AP3D1: variants seen among roughly 807,000 people sequenced by gnomAD.
AP3D1 encodes adaptor related protein complex 3 subunit delta 1.
Under a neutral mutation model 147.6 loss-of-function variants are expected in AP3D1, and 51 were observed. The ratio of observed to expected loss-of-function variants is 0.35; its 90% CI spans 0.28 to 0.44. The LOEUF (loss-of-function observed/expected upper bound fraction) is 0.44. Among genes scored for constraint, AP3D1 ranks in the 20% least tolerant of loss-of-function variants. AP3D1 has a pLI of 1.00. For missense variants in AP3D1, 1,421 were observed against 1,624.2 expected, an observed-to-expected ratio of 0.87 and a Z score of 2.15; for synonymous variants, 760 against 663.0, an observed-to-expected ratio of 1.15 and a Z score of -2.25.
chr19:2,133,620 C>CA (rs2019005324), intron 4 of AP3D1: 1 of 152,168 alleles, frequency 6.6e-6, no homozygotes, highest in African/African-American at 2.4e-5. Flanking sequence ...TTCTCTGCCT[C>CA]AGCCTCCCAA....
chr19:2,153,383 G>T (rs1197281132), upstream of AP3D1, among the ~76,000 whole-genome samples: 3 of 133,170 alleles, frequency 2.3e-5, no homozygotes, highest in Non-Finnish European at 5.0e-5. Context: ...CAAAAAAGAA[G>T]TGGGGGGGGG....
At chr19:2,127,012 G>T (rs1347730125) in intron 9 of AP3D1, 140 bp downstream of exon 9, 1 of 872,278 alleles carries the variant, frequency 1.1e-6, no homozygotes, top group East Asian at 2.6e-5. Context: ...GCCAGCCCCA[G>T]GCCCCACCAG....
chr19:2,130,904 C>T (rs371519220), intron 5 of AP3D1, among the ~76,000 whole-genome samples: 3 of 152,360 alleles, frequency 2.0e-5, no homozygotes, highest in East Asian at 1.9e-4. Flanking sequence ...AATTCCCCAG[C>T]GGGAGCCCTC....
chr19:2,142,438 C>T (rs1295767343), intron 1 of AP3D1, among the ~76,000 whole-genome samples: 1 of 152,234 alleles, frequency 6.6e-6, no homozygotes, highest in Non-Finnish European at 1.5e-5. Context: ...GTGTGAGCCA[C>T]CGCACCTGGC....
intron 24 of AP3D1, 111 bp downstream of exon 24, chr19:2,112,749 C>T: frequency 1.1e-5 from 8 of 757,608 alleles, no homozygotes; most frequent in South Asian, 5.8e-5. Flanking sequence ...AACACAAATG[C>T]GAGAGCAGGG....
At chr19:2,110,976 A>C in intron 26 of AP3D1, 80 bp from the exon 27 acceptor site, 1 of 1,460,250 alleles carries the variant, frequency 6.8e-7, no homozygotes, top group Non-Finnish European at 9.3e-7. Flanking sequence ...CTTAATGACC[A>C]CAGAGGCAGC....
At position 2,102,067 on chromosome 19, in the gene AP3D1, C is replaced by T; in HGVS notation, c.*106G>A. The T allele has an allele frequency of 1.2e-6, 1 of 822,026 alleles. No individual in the cohort carries two copies. The allele number at this position is 822,026 out of a possible 1,614,324, so 50.9% of individuals were successfully genotyped here. A position where few individuals can be genotyped will look rare whatever the true frequency, so the allele number is the denominator to read the frequency against. On this transcript the variant is annotated 3_prime_UTR_variant, in exon 32 of 32. Transcript: ENST00000643116. ...CGGACAACATAGAGTTAAATTAACA[C>T]TCAGGCTTGGGTACAGTACACACGA...
intron 14 of AP3D1, among the ~76,000 whole-genome samples, chr19:2,120,166 T>G (rs1483353487): frequency 6.6e-6 from 1 of 152,054 alleles, no homozygotes; most frequent in Admixed American, 6.5e-5. Flanking sequence ...GCAAATCTCA[T>G]AAATTTCCAA....
upstream of AP3D1, among the ~76,000 whole-genome samples, chr19:2,153,524 A>T (rs1290953910): frequency 6.6e-6 from 1 of 151,810 alleles, no homozygotes; most frequent in Non-Finnish European, 1.5e-5. Context: ...AAAAATACAA[A>T]AATTAGTCAG....
chr19:2,118,753 C>T lies in AP3D1; in HGVS notation c.1561G>A (p.Val521Met), dbSNP rs762813236. ...VTTLPGHIQA[V>M]YVQNVVKLYA... Reference sequence around the variant, plus strand: ...AGCTTGACCACGTTCTGCACATACACGGCCTGGATGTGGCCTGGCAGCGTG... The same window carrying T: ...AGCTTGACCACGTTCTGCACATACATGGCCTGGATGTGGCCTGGCAGCGTG... Residue 521 changes from valine (V) to methionine (M), a missense_variant, in exon 15 of 32, where the codon GTG (valine) becomes ATG (methionine). Physicochemically the swap from Val to Met is conservative, Grantham distance 21. Coordinates refer to ENST00000643116, the MANE Select transcript of AP3D1 (RefSeq NM_001261826.3). 3.1e-6 allele frequency: 5 copies of T among 1,613,704 alleles called. No homozygotes were observed. Among genetic ancestry groups the T allele is most frequent in the Non-Finnish European group, 3.4e-6 (4 of 1,180,020 alleles).
rs1568297603 is a variant in AP3D1 at position 2,131,513 on chromosome 19, G to GCTTCCCAGGGAGGAAAGCAT, written c.462+957_462+958insATGCTTTCCTCCCTGGGAAG. 2.1e-3 allele frequency among the ~76,000 whole-genome samples: 151 copies of GCTTCCCAGGGAGGAAAGCAT among 72,518 alleles called. 7 individuals are homozygous for GCTTCCCAGGGAGGAAAGCAT. Among genetic ancestry groups the GCTTCCCAGGGAGGAAAGCAT allele is most frequent in the African/African-American group, 8.1e-3 (146 of 18,118 alleles). The allele number at this position is 72,518 out of a possible 152,430, so 47.6% of individuals were successfully genotyped here. On this transcript the variant is annotated intron_variant, in intron 5 of 31. Coordinates refer to ENST00000643116, the MANE Select transcript of AP3D1 (RefSeq NM_001261826.3). ...TGGACAGGCAGCCACGAGGGGACAG[G>GCTTCCCAGGGAGGAAAGCAT]GCCCATCGGCCACGATCTAGGCACC...
At chr19:2,124,571 GTGCGTGTGCGTGTGCATGTGTTTTCTTTT>G (rs1462019898) in intron 9 of AP3D1, among the ~76,000 whole-genome samples, 1 of 152,190 alleles carries the variant, frequency 6.6e-6, no homozygotes, top group African/African-American at 2.4e-5. Context: ...GAGACCGTGT[GTGCGTGTGCGTGTGCATGTGTTTTCTTTT>G]TAAGACATGG....
Position 2,114,826 on chromosome 19 carries a change from C to A in AP3D1, c.2350-5G>T. On this transcript the variant is annotated splice_region_variant and splice_polypyrimidine_tract_variant and intron_variant, in intron 20 of 31. Transcript: ENST00000643116. ...CTCGTCGCTGGGCAGAGCATTCTGACAGGAAGAGAGGAACCCCATCACTGG... is the reference window on the plus strand; with the variant it reads ...CTCGTCGCTGGGCAGAGCATTCTGAAAGGAAGAGAGGAACCCCATCACTGG... 1 of 1,614,010 alleles carries A rather than the reference C, an allele frequency of 6.2e-7. No homozygotes were observed. Among genetic ancestry groups the A allele is most frequent in the Non-Finnish European group, 8.5e-7 (1 of 1,179,932 alleles).
At chr19:2,107,802 G>C (rs1226013213) in intron 31 of AP3D1, among the ~76,000 whole-genome samples, 1 of 151,468 alleles carries the variant, frequency 6.6e-6, no homozygotes, top group African/African-American at 2.4e-5. Context: ...GGAAAAAAGA[G>C]ACACAAACCG....
chr19:2,117,585 G>A (rs965181596), intron 15 of AP3D1, among the ~76,000 whole-genome samples: 2 of 152,346 alleles, frequency 1.3e-5, no homozygotes, highest in Non-Finnish European at 2.9e-5. Flanking sequence ...ACAGAGATGG[G>A]GGCACAACAG....
chr19:2,121,984 T>TG, intron 11 of AP3D1, 105 bp from the exon 12 acceptor site: 1 of 1,347,382 alleles, frequency 7.4e-7, no homozygotes, highest in Non-Finnish European at 1.0e-6. Flanking sequence ...GGAGGCTGCC[T>TG]GGCCTTGGCA....
At chr19:2,128,023 A>G (rs1364674680) in intron 8 of AP3D1, among the ~76,000 whole-genome samples, 1 of 152,198 alleles carries the variant, frequency 6.6e-6, no homozygotes, top group African/African-American at 2.4e-5. Flanking sequence ...AAATGTACTA[A>G]TGACACCCTT....
intron 14 of AP3D1, among the ~76,000 whole-genome samples, chr19:2,120,194 G>C (rs745374666): frequency 2.0e-5 from 3 of 152,202 alleles, no homozygotes; most frequent in African/African-American, 7.2e-5. Context: ...TGGAAATCCA[G>C]ACTGCTGTGA....
At chr19:2,144,547 G>A (rs1033797665) in intron 1 of AP3D1, among the ~76,000 whole-genome samples, 4 of 152,186 alleles carry the variant, frequency 2.6e-5, no homozygotes, top group African/African-American at 9.7e-5. Context: ...TCTGTGCTCA[G>A]TCCTGTAACT....
Sources: gnomAD v4.1 joint callset for allele counts (sites outside exome capture counted in the v4.1 genomes callset) on GRCh38, gnomAD v4.1.1 for gene constraint, MANE v1.5 for transcripts, NCBI Gene and HGNC (gene_info 2026-07-23, HGNC 2026-07-21) for gene names.